Variants in RBFOX1 observed in about 807,000 individuals in gnomAD.
The protein encoded by RBFOX1 is RNA binding fox-1 homolog 1, also known as RNA binding protein fox-1 homolog 1.
In RBFOX1, 8 loss-of-function variants were observed where a neutral mutation model predicts 57.7. The ratio of observed to expected loss-of-function variants is 0.14; its 90% CI spans 0.08 to 0.25. The LOEUF (loss-of-function observed/expected upper bound fraction) is 0.25, where lower values mean the gene tolerates loss of function less well. Among genes scored for constraint, RBFOX1 ranks in the 10% least tolerant of loss-of-function variants. The pLI, the probability that RBFOX1 is intolerant of heterozygous loss-of-function variation, is 1.00. For synonymous variants in RBFOX1, 326 were observed against 222.4 expected, an observed-to-expected ratio of 1.47 and a Z score of -4.15; for missense variants, 611 against 548.5, an observed-to-expected ratio of 1.11 and a Z score of -1.14.
chr16:5,517,277 A>G (rs1028864281), intron 2 of RBFOX1, among the ~76,000 whole-genome samples: 8 of 152,136 alleles, frequency 5.3e-5, no homozygotes, highest in African/African-American at 1.9e-4. Flanking sequence ...ATTGCGCAGA[A>G]TTGTTCAGGC....
chr16:5,756,770 C>G (rs1567498980), intron 3 of RBFOX1, among the ~76,000 whole-genome samples: 1 of 152,200 alleles, frequency 6.6e-6, no homozygotes, highest in Non-Finnish European at 1.5e-5. Context: ...GGAGATGTTA[C>G]TTGCCAGGGA....
intron 1 of RBFOX1, among the ~76,000 whole-genome samples, chr16:5,324,865 C>A (rs2064519665): frequency 6.6e-6 from 1 of 152,122 alleles, no homozygotes; most frequent in Admixed American, 6.5e-5. Context: ...AAATAACTAT[C>A]ATTTACTAGA....
intron 1 of RBFOX1, among the ~76,000 whole-genome samples, chr16:5,409,034 A>C (rs1006028539): frequency 6.6e-6 from 1 of 152,090 alleles, no homozygotes; most frequent in African/African-American, 2.4e-5. Flanking sequence ...ACCTGTGGCT[A>C]TCTCACGCTG....
intron 3 of RBFOX1, among the ~76,000 whole-genome samples, chr16:5,861,272 A>G (rs1349580256): frequency 6.6e-6 from 1 of 152,186 alleles, no homozygotes; most frequent in Non-Finnish European, 1.5e-5. Context: ...GGTTGGCTAC[A>G]TGCTTACACC....
intron 3 of RBFOX1, among the ~76,000 whole-genome samples, chr16:5,724,943 G>A (rs1024244035): frequency 6.6e-6 from 1 of 152,184 alleles, no homozygotes; most frequent in Admixed American, 6.5e-5. Context: ...AACAGTCTGC[G>A]ACTGGGGAAG....
chr16:6,224,226 T>C (rs1182733813), intron 1 of RBFOX1, among the ~76,000 whole-genome samples: 2 of 151,830 alleles, frequency 1.3e-5, no homozygotes, highest in African/African-American at 4.8e-5. Flanking sequence ...TAGTTATTTT[T>C]TTCCAATTCT....
intron 4 of RBFOX1, among the ~76,000 whole-genome samples, chr16:7,417,645 C>A (rs139488803): frequency 7.5e-4 from 114 of 152,154 alleles, no homozygotes; most frequent in Admixed American, 4.1e-3. Flanking sequence ...TCACAAAGAT[C>A]CTAGGCTCTA....
intron 3 of RBFOX1, among the ~76,000 whole-genome samples, chr16:6,988,935 C>G (rs1294116593): frequency 6.6e-6 from 1 of 151,920 alleles, no homozygotes; most frequent in Non-Finnish European, 1.5e-5. Context: ...CCATGCCTGG[C>G]TAATTTTTAG....
chr16:5,321,637 C>G (rs551602858), intron 1 of RBFOX1, among the ~76,000 whole-genome samples: 2 of 152,034 alleles, frequency 1.3e-5, no homozygotes, highest in Admixed American at 6.6e-5. Context: ...ATTTTTAAAG[C>G]CACTAGGTTC....
chr16:7,591,064 G>C (rs571042264), intron 7 of RBFOX1, among the ~76,000 whole-genome samples: 1 of 152,222 alleles, frequency 6.6e-6, no homozygotes, highest in East Asian at 1.9e-4. Context: ...TGATGGGAGA[G>C]GCCACTGAGA....
chr16:5,804,826 G>C (rs572781412), intron 3 of RBFOX1, among the ~76,000 whole-genome samples: 6 of 152,034 alleles, frequency 3.9e-5, no homozygotes, highest in African/African-American at 1.4e-4. Flanking sequence ...TTAATAATCA[G>C]AATTGACACA....
chr16:5,340,957 T>C (rs1367211787), intron 1 of RBFOX1, among the ~76,000 whole-genome samples: 1 of 152,114 alleles, frequency 6.6e-6, no homozygotes, highest in Non-Finnish European at 1.5e-5. Context: ...CGGGGAAGTC[T>C]TCCTCAAAAA....
intron 1 of RBFOX1, among the ~76,000 whole-genome samples, chr16:6,221,933 A>C (rs1448127429): frequency 6.6e-6 from 1 of 152,198 alleles, no homozygotes; most frequent in Non-Finnish European, 1.5e-5. Flanking sequence ...AACCGTATCA[A>C]CCAATATATG....
chr16:5,906,483 G>A (rs1362100423), intron 4 of RBFOX1, among the ~76,000 whole-genome samples: 5 of 152,112 alleles, frequency 3.3e-5, no homozygotes, highest in African/African-American at 7.2e-5. Flanking sequence ...ACCTGCCAAC[G>A]CCTTGATCTT....
At chr16:5,419,892 A>C (rs1046964808) in intron 1 of RBFOX1, among the ~76,000 whole-genome samples, 3 of 152,090 alleles carry the variant, frequency 2.0e-5, no homozygotes, top group African/African-American at 7.2e-5. Flanking sequence ...AGCACCAAGA[A>C]GACAGGGACC....
intron 3 of RBFOX1, among the ~76,000 whole-genome samples, chr16:6,747,445 A>AGTCTGTCTGTTT (rs1555766672): frequency 3.6e-5 from 3 of 83,176 alleles, no homozygotes; most frequent in African/African-American, 1.2e-4. Flanking sequence ...TCAGTCAGTT[A>AGTCTGTCTGTTT]GTCTGTCTGT....
intron 3 of RBFOX1, among the ~76,000 whole-genome samples, chr16:5,782,730 C>G (rs763501170): frequency 2.0e-5 from 3 of 152,166 alleles, no homozygotes; most frequent in Admixed American, 6.5e-5. Context: ...GCTGAGAAGT[C>G]CTACAACCTA....
At chr16:7,600,991 A>T (rs900017200) in intron 9 of RBFOX1, among the ~76,000 whole-genome samples, 1 of 152,118 alleles carries the variant, frequency 6.6e-6, no homozygotes, top group Non-Finnish European at 1.5e-5. Context: ...CACACGGAGG[A>T]GTTGGGGTTT....
intron 3 of RBFOX1, among the ~76,000 whole-genome samples, chr16:6,789,755 C>G (rs1349171523): frequency 4.6e-5 from 7 of 152,046 alleles, no homozygotes; most frequent in Non-Finnish European, 7.4e-5. Context: ...GCATAGTAGT[C>G]TCTTAGTTTT....
Sources: gnomAD v4.1 joint callset for allele counts (sites outside exome capture counted in the v4.1 genomes callset) on GRCh38, gnomAD v4.1.1 for gene constraint, MANE v1.5 for transcripts, NCBI Gene and HGNC (gene_info 2026-07-23, HGNC 2026-07-21) for gene names.